SAP130: variants seen among roughly 807,000 people sequenced by gnomAD.
SAP130 encodes the protein histone deacetylase complex subunit SAP130.
Under a neutral mutation model 103.2 loss-of-function variants are expected in SAP130, and 16 were observed. The ratio of observed to expected loss-of-function variants is 0.16; its 90% CI spans 0.10 to 0.24. SAP130 has a LOEUF of 0.24. SAP130 is among the 10% of genes least tolerant of loss of function. SAP130 has a pLI of 1.00. For synonymous variants in SAP130, 477 were observed against 497.0 expected, an observed-to-expected ratio of 0.96 and a Z score of 0.53; for missense variants, 990 against 1,359.7, an observed-to-expected ratio of 0.73 and a Z score of 4.28.
chr2:127,949,067 CTG>C (rs1442848242), intron 18 of SAP130, among the ~76,000 whole-genome samples: 2 of 152,188 alleles, frequency 1.3e-5, no homozygotes, highest in African/African-American at 2.4e-5. Context: ...GTAGCCGCCT[CTG>C]TAATTCCATT....
At chr2:127,952,864 A>C (rs975247257) in intron 16 of SAP130, among the ~76,000 whole-genome samples, 4 of 152,122 alleles carry the variant, frequency 2.6e-5, no homozygotes, top group African/African-American at 9.7e-5. Flanking sequence ...TGATAGCACA[A>C]CACCATCCTA....
chr2:127,995,178 C>T (rs978008475), intron 11 of SAP130, among the ~76,000 whole-genome samples: 3 of 152,208 alleles, frequency 2.0e-5, no homozygotes, highest in Non-Finnish European at 4.4e-5. Context: ...TCTGCCTGCT[C>T]AAAGGGCCTA....
chr2:128,008,130 C>G (rs1024564582), intron 7 of SAP130, among the ~76,000 whole-genome samples: 3 of 152,222 alleles, frequency 2.0e-5, no homozygotes, highest in Admixed American at 6.5e-5. Context: ...TCCACACCTA[C>G]TATCCTTGCT....
At chr2:127,948,048 C>A (rs556179530) in intron 18 of SAP130, among the ~76,000 whole-genome samples, 13 of 152,158 alleles carry the variant, frequency 8.5e-5, no homozygotes, top group African/African-American at 3.1e-4. Flanking sequence ...TCTTGGCCTC[C>A]CAAAGTGCTG....
chr2:127,981,400 G>A (rs866072772), intron 14 of SAP130, among the ~76,000 whole-genome samples: 1 of 62,222 alleles, frequency 1.6e-5, no homozygotes, highest in African/African-American at 6.5e-5. Flanking sequence ...CTGCACCCCC[G>A]ACTCAGCTCC....
intron 15 of SAP130, among the ~76,000 whole-genome samples, chr2:127,971,861 C>A (rs774438650): frequency 1.6e-4 from 24 of 152,164 alleles, no homozygotes; most frequent in Non-Finnish European, 3.1e-4. Context: ...TGGTCAGTGT[C>A]TTAAGGAACA....
intron 14 of SAP130, among the ~76,000 whole-genome samples, chr2:127,978,537 A>G (rs1257305752): frequency 1.3e-5 from 2 of 152,384 alleles, no homozygotes; most frequent in Admixed American, 1.3e-4. Context: ...TGTGCTGTGC[A>G]GCAGAGAGGC....
At chr2:127,948,331 T>G (rs1028977464) in intron 18 of SAP130, among the ~76,000 whole-genome samples, 9 of 141,898 alleles carry the variant, frequency 6.3e-5, no homozygotes, top group African/African-American at 1.8e-4. Flanking sequence ...CCTGTGAGTT[T>G]TTTTTTTTTT....
rs994667190 is a variant in SAP130, at chr2:127,953,154, T to C, written c.2422+1832A>G. 6.6e-6 allele frequency among the ~76,000 whole-genome samples: 1 copy of C among 152,180 alleles called. No individual in the cohort carries two copies. Among genetic ancestry groups the C allele is most frequent in the Non-Finnish European group, 1.5e-5 (1 of 68,026 alleles). On this transcript the variant is annotated intron_variant, in intron 16 of 20. Transcript: ENST00000643581. This position sits in a 1 kb window ranked among gnomAD's most constrained non-coding sequence, Gnocchi z 4.0. ...CAAAACATGGTCCTCCTGCAGGCTTTCCTAATTCAGCCAATGGCAACTCTA... is the reference window on the plus strand; with the variant it reads ...CAAAACATGGTCCTCCTGCAGGCTTCCCTAATTCAGCCAATGGCAACTCTA...
intron 7 of SAP130, among the ~76,000 whole-genome samples, chr2:128,001,756 G>A (rs1683577304): frequency 6.6e-6 from 1 of 151,968 alleles, no homozygotes; most frequent in South Asian, 2.1e-4. Context: ...ATACTCTTAT[G>A]ATGTTTGCAT....
At chr2:127,997,984 T>G (rs751362996) in intron 10 of SAP130, among the ~76,000 whole-genome samples, 1 of 151,848 alleles carries the variant, frequency 6.6e-6, no homozygotes, top group Non-Finnish European at 1.5e-5. Flanking sequence ...CGTGGTGGTA[T>G]GTGCCTGTGA....
chr2:127,972,053 C>T (rs1681128296), intron 15 of SAP130, among the ~76,000 whole-genome samples: 1 of 152,144 alleles, frequency 6.6e-6, no homozygotes, highest in Non-Finnish European at 1.5e-5. Context: ...TATTTCTTCA[C>T]AATCCAAATG....
At chr2:128,018,021 G>A (rs752280462) in intron 2 of SAP130, 106 bp from the exon 3 acceptor site, 39 of 885,894 alleles carry the variant, frequency 4.4e-5, no homozygotes, top group Non-Finnish European at 6.5e-5. Flanking sequence ...TTGACAAAGT[G>A]GCCATTTCCT....
At chr2:128,020,496 T>G (rs575705278) in intron 2 of SAP130, among the ~76,000 whole-genome samples, 5 of 152,362 alleles carry the variant, frequency 3.3e-5, no homozygotes, top group African/African-American at 1.2e-4. Context: ...AGATCTTTCA[T>G]TCTCAATGCT....
At chr2:128,021,840 T>C (rs1685183748) in intron 2 of SAP130, among the ~76,000 whole-genome samples, 1 of 152,238 alleles carries the variant, frequency 6.6e-6, no homozygotes, top group Admixed American at 6.5e-5. Context: ...GTAGTTTTAA[T>C]TAGCATTTCC....
At chr2:128,009,286 A>G (rs990210474) in intron 7 of SAP130, among the ~76,000 whole-genome samples, 1 of 152,102 alleles carries the variant, frequency 6.6e-6, no homozygotes, top group Non-Finnish European at 1.5e-5. Context: ...CCTGGGCAAC[A>G]AAGTGAGAAC....
chr2:128,027,323 C>T (rs1461209654), intron 1 of SAP130: 2 of 1,157,062 alleles, frequency 1.7e-6, no homozygotes, highest in Non-Finnish European at 2.1e-6. Context: ...GCCTCCCCCG[C>T]CCGCCCATTG....
At chr2:127,969,148 G>T (rs1196066587) in intron 15 of SAP130, among the ~76,000 whole-genome samples, 1 of 152,178 alleles carries the variant, frequency 6.6e-6, no homozygotes, top group African/African-American at 2.4e-5. Flanking sequence ...GACTCAGTGT[G>T]GAGTGGGGTG....
intron 15 of SAP130, among the ~76,000 whole-genome samples, chr2:127,972,024 G>T (rs1304812658): frequency 6.6e-6 from 1 of 152,148 alleles, no homozygotes; most frequent in Non-Finnish European, 1.5e-5. Context: ...AGTGTGGGGG[G>T]TTTATTCTTC....
Sources: gnomAD v4.1 joint callset for allele counts (sites outside exome capture counted in the v4.1 genomes callset) on GRCh38, gnomAD v4.1.1 for gene constraint, Gnocchi (gnomAD v3.1) non-coding constraint, MANE v1.5 for transcripts, NCBI Gene and HGNC (gene_info 2026-07-23, HGNC 2026-07-21) for gene names.